The following UTP20 variants were observed in gnomAD, a reference collection of about 807,000 sequenced individuals.
The protein encoded by UTP20 is UTP20 small subunit processome component, also known as small subunit processome component 20 homolog.
Under a neutral mutation model 329.5 loss-of-function variants are expected in UTP20, and 164 were observed. That is an observed-to-expected ratio of 0.50 (90% CI 0.44 to 0.57). The LOEUF is 0.57. Ranked by LOEUF, UTP20 falls within the 20% of genes least tolerant of loss-of-function variation. The pLI is 0.00. For synonymous variants in UTP20, 1,151 were observed against 1,159.3 expected, an observed-to-expected ratio of 0.99 and a Z score of 0.14; for missense variants, 3,055 against 3,284.2, an observed-to-expected ratio of 0.93 and a Z score of 1.71.
intron 46 of UTP20, 88 bp downstream of exon 46, chr12:101,365,713 A>G (rs1870075394): frequency 8.7e-7 from 1 of 1,143,818 alleles, no homozygotes; most frequent in Non-Finnish European, 1.2e-6. Context: ...GCTTTAGTAA[A>G]AAATAAAATT....
chr12:101,382,323 C>T (rs545415212), intron 58 of UTP20, among the ~76,000 whole-genome samples: 1 of 151,346 alleles, frequency 6.6e-6, no homozygotes, highest in South Asian at 2.1e-4. Context: ...TGCTTGAACC[C>T]AGAGGCAGAG....
At chr12:101,333,244 A>C in intron 27 of UTP20, 57 bp from the exon 28 acceptor site, 2 of 1,537,000 alleles carry the variant, frequency 1.3e-6, no homozygotes, top group Non-Finnish European at 1.8e-6. Context: ...TCTCTGAGGA[A>C]TCAGGGATAA....
rs1454171253 is a variant in UTP20, at chr12:101,286,578, C to T, written c.515+69C>T. The T allele has an allele frequency of 2.4e-5, 31 of 1,317,746 alleles. No individual in the cohort carries two copies. The Admixed American group carries it at 7.1e-4, about 30-fold the overall frequency. The allele number at this position is 1,317,746 out of a possible 1,614,324, so 81.6% of individuals were successfully genotyped here. ...CTTTTTCCCTGGCTTCTTTATGACT[C>T]CAAACCACTTTGCCAGCTCAGTGCC... is the stretch of plus-strand genomic sequence containing the variant. On this transcript the variant is annotated intron_variant, in intron 5 of 61. Coordinates refer to ENST00000261637, the MANE Select transcript of UTP20 (RefSeq NM_014503.3).
At chr12:101,360,442 A>G (rs768670573) in intron 43 of UTP20, among the ~76,000 whole-genome samples, 18 of 152,236 alleles carry the variant, frequency 1.2e-4, no homozygotes, top group Non-Finnish European at 2.2e-4. Flanking sequence ...ATGATGAGAC[A>G]GTGTCCCAAT....
At chr12:101,282,843 A>G (rs988399709) in intron 2 of UTP20, among the ~76,000 whole-genome samples, 1 of 152,206 alleles carries the variant, frequency 6.6e-6, no homozygotes, top group African/African-American at 2.4e-5. Flanking sequence ...AGCAATCAAG[A>G]TAGAGAGAAG....
At chr12:101,286,239 C>T in intron 4 of UTP20, 82 bp from the exon 5 acceptor site, 1 of 1,262,756 alleles carries the variant, frequency 7.9e-7, no homozygotes, top group Non-Finnish European at 1.1e-6. Context: ...ATCCTATGAT[C>T]ATAGGCCACC....
At chr12:101,282,491 G>A (rs1265035899) in intron 2 of UTP20, among the ~76,000 whole-genome samples, 6 of 152,010 alleles carry the variant, frequency 3.9e-5, no homozygotes, top group Non-Finnish European at 8.8e-5. Flanking sequence ...TGGTGACTGG[G>A]ATGGGGCAAG....
At chr12:101,351,938 C>A in intron 38 of UTP20, 117 bp from the exon 39 acceptor site, 1 of 1,218,758 alleles carries the variant, frequency 8.2e-7, no homozygotes, top group Non-Finnish European at 1.2e-6. Flanking sequence ...ATAGTTTGGA[C>A]ATTCTTTCTC....
chr12:101,365,990 G>A (rs1565805882), intron 46 of UTP20, among the ~76,000 whole-genome samples: 1 of 152,068 alleles, frequency 6.6e-6, no homozygotes, highest in African/African-American at 2.4e-5. Context: ...CAGCACTTTG[G>A]GAAGCTAAGG....
At chr12:101,283,810 A>G (rs1871872755) in intron 2 of UTP20, among the ~76,000 whole-genome samples, 1 of 152,034 alleles carries the variant, frequency 6.6e-6, no homozygotes, top group Non-Finnish European at 1.5e-5. Flanking sequence ...TCAGCCTCCC[A>G]CTGTTGGGAT....
Position 101,320,851 on chromosome 12 carries a change from G to A in UTP20, c.2830-1G>A, listed in dbSNP as rs756416141. 1 of 1,608,534 alleles carries A rather than the reference G, an allele frequency of 6.2e-7. No homozygotes were observed. Among genetic ancestry groups the A allele is most frequent in the Non-Finnish European group, 8.5e-7 (1 of 1,178,670 alleles). On this transcript the variant is annotated splice_acceptor_variant, in intron 23 of 61. Coordinates refer to ENST00000261637, the MANE Select transcript of UTP20 (RefSeq NM_014503.3). LOFTEE classifies it high-confidence loss of function. The stretch of plus-strand genomic sequence containing the variant: ...TTAATTCTGTAAAATACTGTTCTTA[G>A]TTGTTGCTACACCAAGATCAAATGG...
intron 43 of UTP20, among the ~76,000 whole-genome samples, chr12:101,360,881 C>T (rs532040488): frequency 4.9e-4 from 74 of 152,166 alleles, no homozygotes; most frequent in African/African-American, 1.5e-3. Context: ...CGTTTAAGAC[C>T]CAATCTACGT....
At chr12:101,350,354 G>A (rs1263266729) in intron 38 of UTP20, among the ~76,000 whole-genome samples, 1 of 152,000 alleles carries the variant, frequency 6.6e-6, no homozygotes, top group African/African-American at 2.4e-5. Context: ...ATTTTTTGTA[G>A]AGATGGGGTT....
At chr12:101,345,133 A>G (rs1478941003) in intron 36 of UTP20, among the ~76,000 whole-genome samples, 1 of 151,626 alleles carries the variant, frequency 6.6e-6, no homozygotes, top group African/African-American at 2.4e-5. Flanking sequence ...TTTAGTAGAG[A>G]CGGGGTTTCA....
In UTP20 at chr12:101,356,618, G is replaced by T. The variant is rs769642275; in HGVS notation, c.5459G>T (p.Arg1820Leu). The T allele has an allele frequency of 6.2e-7, 1 of 1,614,020 alleles. No individual in the cohort carries two copies. The highest frequency in any genetic ancestry group is 1.1e-5 in the South Asian group (1 of 91,050). Residue 1820 changes from arginine to leucine, a missense_variant, in exon 42 of 62, where the codon CGA (arginine) becomes CTA (leucine). Physicochemically the swap from Arg to Leu is moderately radical, Grantham distance 102. This residue lies in a region of UTP20 where 2,445 missense variants were observed against 2,575.5 expected (regional missense o/e 0.95). Coordinates refer to ENST00000261637, the MANE Select transcript of UTP20 (RefSeq NM_014503.3). The stretch of plus-strand genomic sequence containing the variant: ...GTTGTGAATGATGAGGAAGTCGTTC[G>T]AGTTCCATTAGCTTTTGCCATGGTT... ...SKVVNDEEVVRVPLAFAMVKL... is the reference protein window; with the variant it reads ...SKVVNDEEVVLVPLAFAMVKL...
chr12:101,354,245 C>T (rs1247705941), intron 40 of UTP20, among the ~76,000 whole-genome samples: 3 of 124,856 alleles, frequency 2.4e-5, no homozygotes, highest in African/African-American at 9.6e-5. Flanking sequence ...CTGGGTGACA[C>T]GGCAAGACTC....
chr12:101,297,970 G>A (rs746552742), intron 12 of UTP20, among the ~76,000 whole-genome samples: 21 of 152,118 alleles, frequency 1.4e-4, no homozygotes, highest in Non-Finnish European at 2.4e-4. Context: ...CACCCCCAAC[G>A]GAGATATGGT....
At chr12:101,365,261 T>A (rs1260828788) in intron 45 of UTP20, among the ~76,000 whole-genome samples, 198 bp from the exon 46 acceptor site, 1 of 152,158 alleles carries the variant, frequency 6.6e-6, no homozygotes, top group Non-Finnish European at 1.5e-5. Flanking sequence ...GCACAGTGGT[T>A]CTTCCTGGGA....
intron 40 of UTP20, 22 bp from the exon 41 acceptor site, chr12:101,354,810 T>G (rs1869661682): frequency 6.2e-7 from 1 of 1,602,362 alleles, no homozygotes; most frequent in African/African-American, 1.3e-5. Flanking sequence ...TTAAGGTGAC[T>G]TTTGTTGTTT....
Sources: allele counts gnomAD v4.1 joint callset (sites outside exome capture counted in the v4.1 genomes callset), GRCh38; gene constraint gnomAD v4.1.1; regional missense constraint gnomAD v4.1.1; transcripts MANE v1.5; gene names NCBI Gene and HGNC (gene_info 2026-07-23, HGNC 2026-07-21).